Variants in RIF1 observed in about 807,000 individuals in gnomAD.
RIF1 encodes replication timing regulatory factor 1, also known as telomere-associated protein RIF1.
In RIF1, 45 loss-of-function variants were observed where a neutral mutation model predicts 247.1. That is an observed-to-expected ratio of 0.18 (90% CI 0.14 to 0.23). The LOEUF (loss-of-function observed/expected upper bound fraction) is 0.23. Ranked by LOEUF, RIF1 falls within the 10% of genes least tolerant of loss-of-function variation. The pLI is 1.00. For missense variants in RIF1, 2,967 were observed against 2,862.5 expected (o/e 1.04, Z -0.83); for synonymous variants, 1,087 against 978.8 (o/e 1.11, Z -2.06).
At position 151,492,166 on chromosome 2, in the gene RIF1, C is replaced by T. The variant is rs955142125; in HGVS notation, c.*416-3063C>T. The T allele has an allele frequency of 3.8e-5, 62 of 1,613,732 alleles. No individual in the cohort carries two copies. The highest frequency in any genetic ancestry group is 4.5e-5 in the Non-Finnish European group (53 of 1,179,864). ...TTCTACCACTTTCCTCTGAATACCT[C>T]GGTAGTTAATGTCACTGAAGTCCTG... On this transcript the variant is annotated intron_variant and NMD_transcript_variant, in intron 9 of 13. Coordinates refer to the RIF1 transcript ENST00000454583.
At chr2:151,493,932 A>G in intron 9 of RIF1, 1 of 1,166,014 alleles carries the variant, frequency 8.6e-7, no homozygotes, top group Non-Finnish European at 1.2e-6. Context: ...ATTATATTGC[A>G]AGTTGGGGGG....
intron 11 of RIF1, among the ~76,000 whole-genome samples, chr2:151,501,685 A>G (rs1264559288): frequency 6.6e-6 from 1 of 152,232 alleles, no homozygotes; most frequent in Non-Finnish European, 1.5e-5. Context: ...AAAAGACATC[A>G]GTAAAACACA....
intron 27 of RIF1, 144 bp from the exon 28 acceptor site, chr2:151,462,095 ACTC>A: frequency 2.3e-6 from 1 of 443,024 alleles, no homozygotes; most frequent in Admixed American, 4.0e-5. Context: ...CTGGTCTTGA[ACTC>A]CTGAGCTCAA....
Position 151,451,634 on chromosome 2 carries a change from A to T in RIF1, c.2273A>T (p.Tyr758Phe). Reference sequence around the variant, plus strand: ...TTGTTGTTCGTGGATAGAATTATTTATATTATTACTGTAATGGTTGATTGC... The same window carrying T: ...TTGTTGTTCGTGGATAGAATTATTTTTATTATTACTGTAATGGTTGATTGC... ...SNLLFVDRII[Y>F]IITVMVDCID... Residue 758 changes from tyrosine to phenylalanine, a missense_variant, in exon 21 of 36, where the codon TAT (tyrosine) becomes TTT (phenylalanine). Around this residue, in one of 7 missense-constraint regions of RIF1, gnomAD observed 2,028 missense variants for 1,825.6 expected, o/e 1.11. Coordinates refer to ENST00000444746, the MANE Select transcript of RIF1 (RefSeq NM_018151.5). The T allele has an allele frequency of 6.8e-7, 1 of 1,465,002 alleles. No individual in the cohort carries two copies. Among genetic ancestry groups the T allele is most frequent in the Non-Finnish European group, 9.6e-7 (1 of 1,045,608 alleles). 90.8% of individuals were successfully genotyped at this position (1,465,002 alleles called of 1,614,324 possible).
At position 151,465,234 on chromosome 2, in the gene RIF1, A is replaced by G. The variant is rs764398146; in HGVS notation, c.5714A>G (p.Lys1905Arg). The change falls in exon 30 of 36, where the codon AAA becomes AGA. Residue 1905 changes from lysine (K) to arginine (R), a missense_variant. Lys to Arg is a conservative substitution (Grantham distance 26). Coordinates refer to ENST00000444746, the MANE Select transcript of RIF1 (RefSeq NM_018151.5). The part of the protein sequence containing the change: ...ENVTVEGNAC[K>R]VTESNLEKAK... ...GTTACTGTTGAAGGAAATGCATGTAAAGTAACAGAATCCAATCTAGAGAAA... is the reference window on the plus strand; with the variant it reads ...GTTACTGTTGAAGGAAATGCATGTAGAGTAACAGAATCCAATCTAGAGAAA... The G allele has an allele frequency of 3.1e-6, 5 of 1,610,568 alleles. No homozygotes were observed. The African/African-American group carries it at 6.7e-5, about 22-fold the overall frequency.
rs140333609 is a variant in RIF1, at chr2:151,429,281, A to G, written c.925+359A>G. On this transcript the variant is annotated intron_variant, in intron 9 of 35. Transcript: ENST00000444746. ...CTGCGACCCCCGCCTCCCAGGTTCA[A>G]GAGATTCTCCTGCCTCAGCCTCCCG... 8.8e-3 allele frequency among the ~76,000 whole-genome samples: 1,346 copies of G among 152,214 alleles called. 10 individuals are homozygous for G. Among genetic ancestry groups the G allele is most frequent in the Non-Finnish European group, 0.013 (900 of 68,012 alleles).
Position 151,463,659 on chromosome 2 carries a change from T to C in RIF1, c.4139T>C (p.Ile1380Thr). Residue 1380 changes from isoleucine to threonine, a missense_variant, in exon 30 of 36, where the codon ATT becomes ACT. Around this residue, in one of 7 missense-constraint regions of RIF1, gnomAD observed 2,028 missense variants for 1,825.6 expected, o/e 1.11. Transcript: ENST00000444746. ...ACTGTAGAGGAGAAAAATGTAGAAATTAATTTGGAATCCAAAGAGAATACA... is the reference window on the plus strand; with the variant it reads ...ACTGTAGAGGAGAAAAATGTAGAAACTAATTTGGAATCCAAAGAGAATACA... The part of the protein sequence containing the change: ...TNTVEEKNVE[I>T]NLESKENTPP... 6.2e-7 allele frequency: 1 copy of C among 1,613,794 alleles called. No individual in the cohort carries two copies. The highest frequency in any genetic ancestry group is 8.5e-7 in the Non-Finnish European group (1 of 1,179,894).
chr2:151,480,762 G>T lies in RIF1; in HGVS notation c.*5691G>T, dbSNP rs1422932795. On this transcript the variant is annotated 3_prime_UTR_variant, in exon 36 of 36. Coordinates refer to ENST00000444746, the MANE Select transcript of RIF1 (RefSeq NM_018151.5). ...ATTGAATAGCTAACAAGTGTCTAAA[G>T]AATTTTTTATTTTTATAGAATAGGA... The T allele has an allele frequency of 6.6e-6, 1 of 151,972 alleles. No individual in the cohort carries two copies. The highest frequency in any genetic ancestry group is 1.5e-5 in the Non-Finnish European group (1 of 67,986). The allele number at this position is 151,972 out of a possible 1,614,324, so 9.4% of individuals were successfully genotyped here. A position where few individuals can be genotyped will look rare whatever the true frequency, so the allele number is the denominator to read the frequency against.
At chr2:151,456,272 A>G (rs1004878591) in intron 22 of RIF1, among the ~76,000 whole-genome samples, 24 of 152,224 alleles carry the variant, frequency 1.6e-4, no homozygotes, top group Non-Finnish European at 1.2e-4. Context: ...TTTCTTTGCA[A>G]ATCTTTAAGT....
Position 151,497,176 on chromosome 2 carries a change from C to T in RIF1, c.*513+1850C>T, listed in dbSNP as rs1003737794. 4 of 1,272,514 alleles carry T rather than the reference C, an allele frequency of 3.1e-6. No individual in the cohort carries two copies. In the African/African-American group the frequency reaches 4.6e-5, roughly 15 times the overall value. The allele number at this position is 1,272,514 out of a possible 1,614,324, so 78.8% of individuals were successfully genotyped here. A position where few individuals can be genotyped will look rare whatever the true frequency, so the allele number is the denominator to read the frequency against. ...GAAGTTATATGCTGACAAAATGCCA[C>T]CGACTACTTTACTTTAGTGGAAGTT... On this transcript the variant is annotated intron_variant and NMD_transcript_variant, in intron 10 of 13. Coordinates refer to the RIF1 transcript ENST00000454583.
chr2:151,465,659 A>G lies in RIF1; in HGVS notation c.6139A>G (p.Lys2047Glu). 3 of 1,614,166 alleles carry G rather than the reference A, an allele frequency of 1.9e-6. No homozygotes were observed. Among genetic ancestry groups the G allele is most frequent in the Non-Finnish European group, 2.5e-6 (3 of 1,180,012 alleles). Residue 2047 changes from lysine to glutamate, a missense_variant, in exon 30 of 36, where the codon AAA becomes GAA. By Grantham distance (56) the Lys-to-Glu change is moderately conservative. Around this residue, in one of 7 missense-constraint regions of RIF1, gnomAD observed 2,028 missense variants for 1,825.6 expected, o/e 1.11. Transcript: ENST00000444746. The part of the protein sequence containing the change: ...GETENEGITT[K>E]TSKPDEAETN... Reference sequence around the variant, plus strand: ...AACAGAGAATGAGGGCATAACTACCAAAACCTCAAAGCCTGATGAAGCTGA... The same window carrying G: ...AACAGAGAATGAGGGCATAACTACCGAAACCTCAAAGCCTGATGAAGCTGA...
In RIF1 at chr2:151,476,479, A is replaced by C. The variant is rs544063852; in HGVS notation, c.*1408A>C. 1 of 152,272 alleles carries C rather than the reference A, an allele frequency of 6.6e-6. No homozygotes were observed. The highest frequency in any genetic ancestry group is 1.5e-5 in the Non-Finnish European group (1 of 68,010). 9.4% of individuals were successfully genotyped at this position (152,272 alleles called of 1,614,324 possible). On this transcript the variant is annotated 3_prime_UTR_variant, in exon 36 of 36. Transcript: ENST00000444746. ...GTTTTCACATTTTATTCAGAAGCTA[A>C]TCCCTACTTAGCAAGGCACACATTC...
In RIF1 at chr2:151,468,478, A is replaced by T. The variant is rs1697304319; in HGVS notation, c.6752A>T (p.Asn2251Ile). 1.2e-6 allele frequency: 2 copies of T among 1,611,790 alleles called. No homozygotes were observed. Among genetic ancestry groups the T allele is most frequent in the Non-Finnish European group, 1.7e-6 (2 of 1,177,986 alleles). Reference sequence around the variant, plus strand: ...TCTCTCCTTTCTTCTATCTAGCATAATACCACTTCAGCCAAAGGATTTCTG... The same window carrying T: ...TCTCTCCTTTCTTCTATCTAGCATATTACCACTTCAGCCAAAGGATTTCTG... ...KTSPTTQSKHNTTSAKGFLSP... is the reference protein window; with the variant it reads ...KTSPTTQSKHITTSAKGFLSP... The change falls in exon 32 of 36, where the codon AAT becomes ATT. Residue 2251 changes from asparagine (N) to isoleucine (I), a missense_variant. Asn to Ile is a moderately radical substitution (Grantham distance 149). Coordinates refer to ENST00000444746, the MANE Select transcript of RIF1 (RefSeq NM_018151.5).
chr2:151,485,839 T>A, downstream of RIF1: 1 of 1,614,114 alleles, frequency 6.2e-7, no homozygotes, highest in Non-Finnish European at 8.5e-7. Context: ...CCAGCCTTCA[T>A]CAATTGCTTG....
intron 29 of RIF1, 22 bp downstream of exon 29, chr2:151,462,488 T>C: frequency 6.6e-7 from 1 of 1,516,246 alleles, no homozygotes; most frequent in Non-Finnish European, 8.9e-7. Flanking sequence ...ATTTCATATT[T>C]TGGGCTTTTT....
chr2:151,485,334 CAG>C (rs2049552966), downstream of RIF1: 1 of 153,706 alleles, frequency 6.5e-6, no homozygotes, highest in African/African-American at 2.4e-5. Context: ...ATTCCATCCA[CAG>C]AGTTGCAGAA....
chr2:151,492,320 T>C (rs760931405), intron 9 of RIF1: 1 of 1,600,086 alleles, frequency 6.2e-7, no homozygotes, highest in Non-Finnish European at 8.5e-7. Flanking sequence ...AATATGATGG[T>C]GTGACTATAT....
the RIF1 span, chr2:151,524,654 CTTTTTTTTTTTTT>C: frequency 2.7e-4 from 69 of 257,358 alleles, 1 homozygote; most frequent in East Asian, 6.3e-4. Flanking sequence ...AAGAGAGAGG[CTTTTTTTTTTTTT>C]TTTTTTTTTT....
chr2:151,527,468 T>G, the RIF1 span: 309 of 1,595,974 alleles, frequency 1.9e-4, 1 homozygote, highest in African/African-American at 3.8e-3. Flanking sequence ...CGTCTGTGTC[T>G]CTCCTGTCTT....
Sources: gnomAD v4.1 joint callset for allele counts (sites outside exome capture counted in the v4.1 genomes callset) on GRCh38, gnomAD v4.1.1 for gene constraint, gnomAD v4.1.1 regional missense constraint, MANE v1.5 for transcripts, NCBI Gene and HGNC (gene_info 2026-07-23, HGNC 2026-07-21) for gene names.